Variants in COMMD10 observed in about 807,000 individuals in gnomAD.
COMMD10 encodes COMM domain-containing protein 10.
A neutral mutation model predicts 28.9 loss-of-function variants in COMMD10; 33 were observed. The observed-to-expected ratio is 1.14, with a 90% CI of 0.87 to 1.53. The LOEUF (loss-of-function observed/expected upper bound fraction) is 1.53, where lower values mean the gene tolerates loss of function less well. Ranked by LOEUF, COMMD10 falls within the 40% of genes most tolerant of loss-of-function variation. The probability of loss-of-function intolerance (pLI) is 0.00; values close to 1 mark genes in which losing one functional copy is unlikely to be tolerated. For synonymous variants in COMMD10, 110 were observed against 81.7 expected (o/e 1.35, Z -1.87); for missense variants, 310 against 233.4 (o/e 1.33, Z -2.14).
chr5:116,205,817 A>T (rs572341779), intron 5 of COMMD10, among the ~76,000 whole-genome samples: 1 of 152,212 alleles, frequency 6.6e-6, no homozygotes. Context: ...TTTTTAATGT[A>T]AACATATTTT....
At chr5:116,174,293 AG>A (rs1671545662) in intron 5 of COMMD10, among the ~76,000 whole-genome samples, 2 of 152,148 alleles carry the variant, frequency 1.3e-5, no homozygotes, top group Admixed American at 1.3e-4. Context: ...GTGTGGCAGG[AG>A]TAGAGTATGT....
chr5:116,268,955 G>A (rs536510005), intron 5 of COMMD10, among the ~76,000 whole-genome samples: 2 of 151,708 alleles, frequency 1.3e-5, no homozygotes, highest in East Asian at 3.9e-4. Context: ...TGTGGGGTGG[G>A]GGGAAGGGAA....
At chr5:116,279,776 A>G (rs190231539) in intron 5 of COMMD10, among the ~76,000 whole-genome samples, 1 of 151,986 alleles carries the variant, frequency 6.6e-6, no homozygotes, top group African/African-American at 2.4e-5. Flanking sequence ...AACAGATACA[A>G]AGAGATTTGA....
chr5:116,114,547 G>T (rs1219529916), intron 4 of COMMD10, among the ~76,000 whole-genome samples: 2 of 152,168 alleles, frequency 1.3e-5, no homozygotes, highest in Non-Finnish European at 2.9e-5. Flanking sequence ...GGGCTGGACT[G>T]TGGGACCTCC....
At chr5:116,226,225 G>A (rs1749390377) in intron 5 of COMMD10, among the ~76,000 whole-genome samples, 1 of 151,824 alleles carries the variant, frequency 6.6e-6, no homozygotes, top group Non-Finnish European at 1.5e-5. Flanking sequence ...TGGTATCTCT[G>A]GGGTTTTGTA....
intron 4 of COMMD10, among the ~76,000 whole-genome samples, chr5:116,123,762 A>G (rs548582043): frequency 1.3e-5 from 2 of 152,268 alleles, no homozygotes; most frequent in East Asian, 1.9e-4. Flanking sequence ...TTATTGGTCT[A>G]TTCAGAGATT....
At chr5:116,237,436 A>C (rs1324844044) in intron 5 of COMMD10, among the ~76,000 whole-genome samples, 1 of 152,036 alleles carries the variant, frequency 6.6e-6, no homozygotes, top group Non-Finnish European at 1.5e-5. Flanking sequence ...CATGATTTTC[A>C]ATTTAGTTCT....
chr5:116,193,701 A>G (rs1262525395), intron 5 of COMMD10, among the ~76,000 whole-genome samples: 1 of 152,164 alleles, frequency 6.6e-6, no homozygotes, highest in Non-Finnish European at 1.5e-5. Context: ...GAAATGAGAT[A>G]GACAGCAACA....
rs558535039 is a variant in COMMD10 at position 116,260,204 on chromosome 5, A to G, written c.511-31313A>G. Among the ~76,000 whole-genome samples, 29 of 152,012 alleles carry G rather than the reference A, an allele frequency of 1.9e-4. 1 individual carries two copies. Among genetic ancestry groups the G allele is most frequent in the East Asian group, 1.4e-3 (7 of 5,166 alleles). Reference sequence around the variant, plus strand: ...ACTAAGAGATGATGAAACCATTTCAATGGAGACTTATCAACATATTATGAA... The same window carrying G: ...ACTAAGAGATGATGAAACCATTTCAGTGGAGACTTATCAACATATTATGAA... On this transcript the variant is annotated intron_variant, in intron 5 of 6. Transcript: ENST00000274458.
At chr5:116,278,474 A>G (rs1021119581) in intron 5 of COMMD10, among the ~76,000 whole-genome samples, 2 of 151,802 alleles carry the variant, frequency 1.3e-5, no homozygotes, top group African/African-American at 2.4e-5. Flanking sequence ...AGAGGAAGGA[A>G]AATATAGTGA....
intron 5 of COMMD10, among the ~76,000 whole-genome samples, chr5:116,175,261 CT>C (rs1474678578): frequency 6.6e-6 from 1 of 150,848 alleles, no homozygotes; most frequent in Admixed American, 6.6e-5. Flanking sequence ...AGGGCAGTGG[CT>C]TTAAAAAAAA....
At chr5:116,277,447 C>G (rs974139417) in intron 5 of COMMD10, among the ~76,000 whole-genome samples, 1 of 151,816 alleles carries the variant, frequency 6.6e-6, no homozygotes, top group African/African-American at 2.4e-5. Flanking sequence ...TTAAAATTTT[C>G]TTCTGGATAG....
chr5:116,170,150 C>G lies in COMMD10; in HGVS notation c.510+35972C>G, dbSNP rs141857636. Reference sequence around the variant, plus strand: ...GCAACTTCAGCAAAGTCTCAGGATACAAAATCAGTGTGCACAAATCACAAG... The same window carrying G: ...GCAACTTCAGCAAAGTCTCAGGATAGAAAATCAGTGTGCACAAATCACAAG... On this transcript the variant is annotated intron_variant, in intron 5 of 6. Coordinates refer to ENST00000274458, the MANE Select transcript of COMMD10 (RefSeq NM_016144.4). Among the ~76,000 whole-genome samples, 723 of 152,264 alleles carry G rather than the reference C, an allele frequency of 4.7e-3. 5 individuals carry two copies. The highest frequency in any genetic ancestry group is 0.015 in the African/African-American group (611 of 41,550).
At chr5:116,184,413 G>A (rs563552701) in intron 5 of COMMD10, among the ~76,000 whole-genome samples, 1 of 150,048 alleles carries the variant, frequency 6.7e-6, no homozygotes, top group South Asian at 2.1e-4. Context: ...ATTATTTAGT[G>A]ACTGTTTTCT....
intron 5 of COMMD10, among the ~76,000 whole-genome samples, chr5:116,187,174 C>T (rs1748166125): frequency 6.6e-6 from 1 of 152,044 alleles, no homozygotes; most frequent in Non-Finnish European, 1.5e-5. Context: ...AAAGTGTTTT[C>T]TTCCTGAATA....
chr5:116,199,853 T>A lies in COMMD10; in HGVS notation c.510+65675T>A, dbSNP rs190959489. Among the ~76,000 whole-genome samples the A allele has an allele frequency of 2.6e-3, 392 of 152,284 alleles. 1 individual carries two copies. The highest frequency in any genetic ancestry group is 4.4e-3 in the Non-Finnish European group (300 of 68,004). Reference sequence around the variant, plus strand: ...AGCAATCCTCCAGAGTATCTGGGATTACAGGTATGTAGCACCATGCCTGGC... The same window carrying A: ...AGCAATCCTCCAGAGTATCTGGGATAACAGGTATGTAGCACCATGCCTGGC... On this transcript the variant is annotated intron_variant, in intron 5 of 6. Transcript: ENST00000274458.
At chr5:116,263,737 A>G (rs911126294) in intron 5 of COMMD10, among the ~76,000 whole-genome samples, 14 of 151,776 alleles carry the variant, frequency 9.2e-5, no homozygotes, top group Non-Finnish European at 1.8e-4. Flanking sequence ...AAATTTACCT[A>G]TAGCCTGGAA....
intron 5 of COMMD10, among the ~76,000 whole-genome samples, chr5:116,163,554 G>A (rs947426308): frequency 3.3e-5 from 5 of 151,526 alleles, no homozygotes; most frequent in Admixed American, 2.0e-4. Flanking sequence ...GCACCATCGC[G>A]CTCCAGCCTG....
At chr5:116,199,682 TA>T (rs2112621707) in intron 5 of COMMD10, among the ~76,000 whole-genome samples, 1 of 152,326 alleles carries the variant, frequency 6.6e-6, no homozygotes, top group Admixed American at 6.5e-5. Flanking sequence ...TAAAGAACTT[TA>T]AAAAACATTT....
Sources: gnomAD v4.1 joint callset for allele counts (sites outside exome capture counted in the v4.1 genomes callset) on GRCh38, gnomAD v4.1.1 for gene constraint, MANE v1.5 for transcripts, NCBI Gene and HGNC (gene_info 2026-07-23, HGNC 2026-07-21) for gene names.